The following PRKG1 variants were observed in gnomAD, a reference collection of about 807,000 sequenced individuals.
PRKG1 encodes protein kinase cGMP-dependent 1.
Under a neutral mutation model 88.1 loss-of-function variants are expected in PRKG1, and 35 were observed. The observed-to-expected ratio is 0.40, with a 90% CI of 0.30 to 0.53. The LOEUF is 0.53. Among genes scored for constraint, PRKG1 ranks in the 20% least tolerant of loss-of-function variants. PRKG1 has a pLI of 0.59. For synonymous variants in PRKG1, 303 were observed against 292.5 expected, an observed-to-expected ratio of 1.04 and a Z score of -0.37; for missense variants, 540 against 839.8, an observed-to-expected ratio of 0.64 and a Z score of 4.41.
chr10:52,163,155 A>T (rs573811475), intron 9 of PRKG1, among the ~76,000 whole-genome samples: 55 of 151,844 alleles, frequency 3.6e-4, no homozygotes, highest in Non-Finnish European at 6.6e-4. Flanking sequence ...TTCTATTCCT[A>T]TAGGAATTTT....
At chr10:51,165,524 G>C (rs944836332) in intron 2 of PRKG1, among the ~76,000 whole-genome samples, 15 of 152,068 alleles carry the variant, frequency 9.9e-5, no homozygotes, top group African/African-American at 3.6e-4. Context: ...CATAATGACA[G>C]GATCAAATTC....
chr10:51,466,287 T>C (rs770139571), intron 2 of PRKG1, among the ~76,000 whole-genome samples: 5 of 152,094 alleles, frequency 3.3e-5, no homozygotes, highest in Non-Finnish European at 7.4e-5. Context: ...AGTCAAGAAG[T>C]GAACCATGAG....
intron 2 of PRKG1, chr10:51,320,339 T>G (rs1841423475): frequency 6.0e-6 from 1 of 167,076 alleles, no homozygotes; most frequent in Admixed American, 6.2e-5. Context: ...AACCTGATCT[T>G]GCAGCCTAGG....
intron 2 of PRKG1, among the ~76,000 whole-genome samples, chr10:51,246,354 A>G (rs569546754): frequency 6.6e-6 from 1 of 152,222 alleles, no homozygotes; most frequent in Admixed American, 6.6e-5. Flanking sequence ...CACAGGATCC[A>G]GACAGCATAG....
At chr10:51,357,530 A>G (rs77853760) in intron 2 of PRKG1, among the ~76,000 whole-genome samples, 12 of 152,066 alleles carry the variant, frequency 7.9e-5, no homozygotes, top group Admixed American at 3.9e-4. Flanking sequence ...CATTCAGTTA[A>G]GGCAACTCTT....
At chr10:51,269,104 C>G (rs1424277408) in intron 2 of PRKG1, among the ~76,000 whole-genome samples, 3 of 151,960 alleles carry the variant, frequency 2.0e-5, no homozygotes, top group Non-Finnish European at 4.4e-5. Context: ...AAATAGCCAA[C>G]AAACATATGA....
chr10:51,672,135 C>T (rs529819282), intron 3 of PRKG1, among the ~76,000 whole-genome samples: 21 of 150,960 alleles, frequency 1.4e-4, no homozygotes, highest in African/African-American at 3.9e-4. Context: ...TTTTTTTTAC[C>T]TATTTCTTAT....
intron 2 of PRKG1, among the ~76,000 whole-genome samples, chr10:51,266,017 C>T (rs969183802): frequency 6.6e-6 from 1 of 152,180 alleles, no homozygotes; most frequent in Admixed American, 6.5e-5. Flanking sequence ...CCTAACTAGA[C>T]TTTCTGGCTC....
chr10:51,461,669 CA>C (rs1451365887), intron 2 of PRKG1, among the ~76,000 whole-genome samples: 4 of 152,124 alleles, frequency 2.6e-5, no homozygotes, highest in Non-Finnish European at 5.9e-5. Context: ...ACTGATAAGG[CA>C]AGGACACACT....
At chr10:51,137,004 C>T (rs1444007108) in intron 1 of PRKG1, among the ~76,000 whole-genome samples, 1 of 152,098 alleles carries the variant, frequency 6.6e-6, no homozygotes, top group African/African-American at 2.4e-5. Context: ...CCTGCCTCAG[C>T]CTACCCAGTA....
chr10:51,669,079 T>C (rs1377023455), intron 3 of PRKG1, among the ~76,000 whole-genome samples: 1 of 152,226 alleles, frequency 6.6e-6, no homozygotes, highest in East Asian at 1.9e-4. Context: ...GTAATTGTGT[T>C]CTACATACTC....
intron 2 of PRKG1, among the ~76,000 whole-genome samples, chr10:51,428,615 C>G (rs1838664375): frequency 6.6e-6 from 1 of 152,166 alleles, no homozygotes; most frequent in South Asian, 2.1e-4. Flanking sequence ...CACTATGAGT[C>G]TATAGCATTT....
intron 3 of PRKG1, among the ~76,000 whole-genome samples, chr10:51,500,508 A>G (rs1840993506): frequency 2.0e-5 from 3 of 152,230 alleles, no homozygotes; most frequent in Admixed American, 6.6e-5. Flanking sequence ...GGTATCAGAC[A>G]TTAGATTGTA....
At chr10:51,099,782 C>A (rs1470663076) in intron 1 of PRKG1, among the ~76,000 whole-genome samples, 3 of 152,128 alleles carry the variant, frequency 2.0e-5, no homozygotes, top group Non-Finnish European at 2.9e-5. Context: ...TTTGTCTCTG[C>A]GTAATAAGAT....
intron 2 of PRKG1, among the ~76,000 whole-genome samples, chr10:51,431,535 A>T (rs747591671): frequency 6.6e-6 from 1 of 152,168 alleles, no homozygotes; most frequent in Non-Finnish European, 1.5e-5. Flanking sequence ...ATTTAAGAAG[A>T]TAGTTGAAGG....
chr10:51,497,056 C>A (rs183232025), intron 3 of PRKG1, among the ~76,000 whole-genome samples: 1 of 152,174 alleles, frequency 6.6e-6, no homozygotes, highest in East Asian at 1.9e-4. Flanking sequence ...CATGTACTTA[C>A]GGAAAGATCA....
At chr10:51,966,699 C>T (rs1042057231) in intron 5 of PRKG1, among the ~76,000 whole-genome samples, 3 of 152,168 alleles carry the variant, frequency 2.0e-5, no homozygotes, top group Non-Finnish European at 4.4e-5. Flanking sequence ...CTCTCTTCAC[C>T]TATTTGTGCA....
At chr10:51,862,816 T>C (rs1247770813) in intron 4 of PRKG1, among the ~76,000 whole-genome samples, 1 of 152,144 alleles carries the variant, frequency 6.6e-6, no homozygotes, top group African/African-American at 2.4e-5. Flanking sequence ...TTTATAGCAA[T>C]ATGGGTAGCT....
chr10:51,125,958 T>C (rs1339674941), intron 1 of PRKG1, among the ~76,000 whole-genome samples: 1 of 129,592 alleles, frequency 7.7e-6, no homozygotes, highest in Non-Finnish European at 1.5e-5. Context: ...CAATTTTATA[T>C]ATGAATATAT....
Sources: allele counts gnomAD v4.1 joint callset (sites outside exome capture counted in the v4.1 genomes callset), GRCh38; gene constraint gnomAD v4.1.1; transcripts MANE v1.5; gene names NCBI Gene and HGNC (gene_info 2026-07-23, HGNC 2026-07-21).